The following FANCD2 variants were observed in gnomAD, a reference collection of about 807,000 sequenced individuals.
FANCD2 encodes the protein Fanconi anemia group D2 protein.
Under a neutral mutation model 192.3 loss-of-function variants are expected in FANCD2, and 131 were observed. The observed-to-expected ratio is 0.68, with a 90% CI of 0.59 to 0.79. The LOEUF is 0.79. Ranked by LOEUF, FANCD2 falls within the 30% of genes least tolerant of loss-of-function variation. FANCD2 has a pLI of 0.00. For missense variants in FANCD2, 1,508 were observed against 1,701.6 expected (o/e 0.89, Z 2.00); for synonymous variants, 524 against 612.5 (o/e 0.86, Z 2.13).
At chr3:10,046,127 C>T (rs1559377330) in intron 14 of FANCD2, among the ~76,000 whole-genome samples, 1 of 148,360 alleles carries the variant, frequency 6.7e-6, no homozygotes, top group Non-Finnish European at 1.5e-5. Flanking sequence ...GATCTCGGCT[C>T]ACTGTAAGCT....
At chr3:10,092,939 G>T (rs1694741453) in intron 38 of FANCD2, among the ~76,000 whole-genome samples, 1 of 151,896 alleles carries the variant, frequency 6.6e-6, no homozygotes, top group South Asian at 2.1e-4. Context: ...TGATCCACCA[G>T]CCTCAGCCTC....
chr3:10,076,148 A>G (rs401900), intron 29 of FANCD2, among the ~76,000 whole-genome samples: 152,055 of 152,056 alleles, frequency 1, 76,027 homozygotes, highest in Non-Finnish European at 1. Flanking sequence ...TTCTGCTTCT[A>G]GCAGTGTAAT....
intron 18 of FANCD2, among the ~76,000 whole-genome samples, chr3:10,057,327 A>G (rs1311519218): frequency 1.3e-5 from 2 of 151,840 alleles, no homozygotes; most frequent in African/African-American, 2.4e-5. Context: ...TAGTTTCAAT[A>G]AAGTCAAATT....
At chr3:10,059,305 C>T (rs1242107788) in intron 18 of FANCD2, among the ~76,000 whole-genome samples, 1 of 152,150 alleles carries the variant, frequency 6.6e-6, no homozygotes, top group Non-Finnish European at 1.5e-5. Flanking sequence ...TGAGCTACTT[C>T]GCCCAGCCTT....
At chr3:10,040,127 T>C in intron 9 of FANCD2, 1 of 423,492 alleles carries the variant, frequency 2.4e-6, no homozygotes, top group Non-Finnish European at 4.3e-6. Context: ...CTCCGCCTCC[T>C]GGGTTCACCC....
intron 29 of FANCD2, among the ~76,000 whole-genome samples, chr3:10,077,512 G>A (rs1459760191): frequency 6.6e-6 from 1 of 151,998 alleles, no homozygotes; most frequent in Admixed American, 6.6e-5. Context: ...CCAAGATCAT[G>A]CCACTGCCCT....
chr3:10,046,997 A>G (rs1160418850), intron 15 of FANCD2, among the ~76,000 whole-genome samples: 1 of 152,304 alleles, frequency 6.6e-6, no homozygotes, highest in Non-Finnish European at 1.5e-5. Flanking sequence ...TATTTGAACT[A>G]TCACTCTTTA....
chr3:10,028,304 T>C (rs2086507100), intron 1 of FANCD2, among the ~76,000 whole-genome samples: 1 of 152,116 alleles, frequency 6.6e-6, no homozygotes, highest in Non-Finnish European at 1.5e-5. Flanking sequence ...CCCTAACATA[T>C]AGTATTGAAA....
rs2125086319 is a variant in FANCD2 at position 10,092,272 on chromosome 3, G to C, written c.3849+20G>C. ...ATAAAGGTGAGTATGGAGACTGCTT[G>C]ACACATCTCACCAAATAACTGCAGA... On this transcript the variant is annotated intron_variant, in intron 38 of 43. Transcript: ENST00000675286. 1 of 1,572,524 alleles carries C rather than the reference G, an allele frequency of 6.4e-7. No homozygotes were observed. The highest frequency in any genetic ancestry group is 8.8e-7 in the Non-Finnish European group (1 of 1,142,786).
chr3:10,035,191 T>C lies in FANCD2; in HGVS notation c.396T>C (p.Ser132=). 1 of 1,613,466 alleles carries C rather than the reference T, an allele frequency of 6.2e-7. No homozygotes were observed. The highest frequency in any genetic ancestry group is 8.5e-7 in the Non-Finnish European group (1 of 1,179,580). ...DEEASMGASY[S]KSLIKLLLGI... is the part of the protein sequence containing the mutation. ...TTTACAGTATGGGTGCATCTTATTC[T>C]AAGAGTCTCATCAAACTGCTTCTGG... Residue 132 remains serine, a synonymous_variant, in exon 6 of 44, where the codon TCT becomes TCC. Coordinates refer to ENST00000675286, the MANE Select transcript of FANCD2 (RefSeq NM_001018115.3).
At chr3:10,099,174 C>G (rs1307660747) in intron 43 of FANCD2, 5 of 1,416,654 alleles carry the variant, frequency 3.5e-6, no homozygotes, top group South Asian at 3.1e-5. Flanking sequence ...CATTTAAACA[C>G]ATTTGAAACA....
intron 32 of FANCD2, among the ~76,000 whole-genome samples, chr3:10,084,943 T>C (rs921277971): frequency 1.5e-5 from 2 of 129,480 alleles, no homozygotes; most frequent in African/African-American, 5.8e-5. Context: ...AAAAGAACAC[T>C]CAAAAGGTGT....
chr3:10,098,453 C>T (rs1389799451), intron 42 of FANCD2, among the ~76,000 whole-genome samples: 1 of 152,130 alleles, frequency 6.6e-6, no homozygotes, highest in African/African-American at 2.4e-5. Context: ...CCAATACAGT[C>T]TAGCCTTTTA....
chr3:10,085,599 C>G (rs1694143964), intron 32 of FANCD2, among the ~76,000 whole-genome samples: 1 of 151,970 alleles, frequency 6.6e-6, no homozygotes, highest in Non-Finnish European at 1.5e-5. Flanking sequence ...ACCGTGTTGG[C>G]CAAGATGGTC....
intron 41 of FANCD2, 130 bp downstream of exon 41, chr3:10,095,404 T>G: frequency 2.6e-6 from 2 of 765,944 alleles, no homozygotes; most frequent in Admixed American, 2.0e-5. Context: ...GGCAGTTTAT[T>G]CAGAGCAAAT....
At position 10,048,042 on chromosome 3, in the gene FANCD2, C is replaced by T. The variant is rs1236325505; in HGVS notation, c.1404C>T (p.Tyr468=). Residue 468 remains tyrosine (Y), a synonymous_variant, in exon 16 of 44, where the codon TAC becomes TAT. Transcript: ENST00000675286. The part of the protein sequence containing the change: ...YKYAFKFFDT[Y]CQQEVVGALV... ...ATGCATTTAAGTTTTTTGACACGTA[C>T]TGCCAGCAGGTATGTTGAAACATTT... 1.2e-6 allele frequency: 2 copies of T among 1,614,248 alleles called. No individual in the cohort carries two copies. Among genetic ancestry groups the T allele is most frequent in the Non-Finnish European group, 1.7e-6 (2 of 1,180,038 alleles).
At chr3:10,039,225 T>A (rs2124983929) in intron 7 of FANCD2, 54 bp from the exon 8 acceptor site, 4 of 1,309,132 alleles carry the variant, frequency 3.1e-6, no homozygotes, top group Non-Finnish European at 4.4e-6. Flanking sequence ...TAATGCTTGC[T>A]GTTATTTTGA....
intron 7 of FANCD2, among the ~76,000 whole-genome samples, chr3:10,038,072 C>T (rs1429913323): frequency 6.6e-6 from 1 of 152,188 alleles, no homozygotes; most frequent in Non-Finnish European, 1.5e-5. Flanking sequence ...CTCACTGCAA[C>T]CTCTGCCTCC....
chr3:10,101,050 A>G (rs1695269656), intron 43 of FANCD2, 138 bp from the exon 44 acceptor site: 3 of 623,458 alleles, frequency 4.8e-6, no homozygotes, highest in East Asian at 3.0e-5. Context: ...GCCTGGTGAC[A>G]GAGCAAGACT....
Sources: allele counts gnomAD v4.1 joint callset (sites outside exome capture counted in the v4.1 genomes callset), GRCh38; gene constraint gnomAD v4.1.1; transcripts MANE v1.5; gene names NCBI Gene and HGNC (gene_info 2026-07-23, HGNC 2026-07-21).